Variants in TTPAL observed in about 807,000 individuals in gnomAD.
The protein encoded by TTPAL is alpha-tocopherol transfer protein-like.
In TTPAL, 21 loss-of-function variants were observed where a neutral mutation model predicts 28.7. The observed-to-expected ratio is 0.73, with a 90% confidence interval of 0.52 to 1.06. The LOEUF (loss-of-function observed/expected upper bound fraction) is 1.06. Ranked by LOEUF, TTPAL falls within the 50% of genes least tolerant of loss-of-function variation. The pLI is 0.00. For synonymous variants in TTPAL, 169 were observed against 171.9 expected, an observed-to-expected ratio of 0.98 and a Z score of 0.13; for missense variants, 345 against 425.5, an observed-to-expected ratio of 0.81 and a Z score of 1.67.
rs200322382 is a variant in TTPAL at position 44,480,173 on chromosome 20, G to A, written c.174G>A (p.Val58=). The change falls in exon 2 of 5, where the codon GTG becomes GTA. Residue 58 remains valine (V), a synonymous_variant. Transcript: ENST00000262605. This position sits in a 1 kb window ranked among gnomAD's most constrained non-coding sequence, Gnocchi z 4.1. ...QEKPEWRLRD[V]QALRDMVRKE... ...AGCCGGAATGGAGACTTCGAGATGT[G>A]CAGGCCCTTCGTGACATGGTGCGGA... is the stretch of plus-strand genomic sequence containing the variant. 3.7e-6 allele frequency: 6 copies of A among 1,614,138 alleles called. No homozygotes were observed. Among genetic ancestry groups the A allele is most frequent in the Admixed American group, 3.3e-5 (2 of 60,016 alleles).
In TTPAL at chr20:44,489,385, G is replaced by A; in HGVS notation, c.873G>A (p.Leu291=). ...LDTATWNAVL[L]ASEDDFVKEF... ...CTGCCACCTGGAACGCGGTACTGCT[G>A]GCTTCAGAAGACGATTTTGTGAAAG... The change falls in exon 5 of 5, where the codon CTG becomes CTA. Residue 291 remains leucine (L), a synonymous_variant. Coordinates refer to ENST00000262605, the MANE Select transcript of TTPAL (RefSeq NM_001039199.3). 3.7e-6 allele frequency: 6 copies of A among 1,614,180 alleles called. No individual in the cohort carries two copies. The highest frequency in any genetic ancestry group is 4.2e-6 in the Non-Finnish European group (5 of 1,180,032).
At chr20:44,486,938 C>T (rs534877825) in intron 4 of TTPAL, among the ~76,000 whole-genome samples, 2 of 152,212 alleles carry the variant, frequency 1.3e-5, no homozygotes, top group African/African-American at 2.4e-5. Flanking sequence ...ATCATAAGAG[C>T]CTCCCTGGGC....
rs555946314 is a variant in TTPAL at position 44,475,909 on chromosome 20, A to T, written c.-98A>T. On this transcript the variant is annotated 5_prime_UTR_variant, in exon 1 of 5. Transcript: ENST00000262605. ...GCGCGAGAGGCCGGGCAGGCCGGGC[A>T]GGGAGTGCGGGTCGGTTCTGCGTGC... 1 of 152,234 alleles carries T rather than the reference A, an allele frequency of 6.6e-6. No individual in the cohort carries two copies. The highest frequency in any genetic ancestry group is 6.5e-5 in the Admixed American group (1 of 15,294). The allele number at this position is 152,234 out of a possible 1,614,324, so 9.4% of individuals were successfully genotyped here.
In TTPAL at chr20:44,480,140, G is replaced by A; in HGVS notation, c.141G>A (p.Leu47=). 1 of 1,614,202 alleles carries A rather than the reference G, an allele frequency of 6.2e-7. No homozygotes were observed. Among genetic ancestry groups the A allele is most frequent in the Non-Finnish European group, 8.5e-7 (1 of 1,180,044 alleles). ...EDLVTKAREE[L]QEKPEWRLRD... ...TGGTCACCAAAGCCCGGGAAGAGCT[G>A]CAGGAAAAGCCGGAATGGAGACTTC... The change falls in exon 2 of 5, where the codon CTG becomes CTA. Residue 47 remains leucine (L), a synonymous_variant. Coordinates refer to ENST00000262605, the MANE Select transcript of TTPAL (RefSeq NM_001039199.3). The surrounding 1 kb of genome is among the most constrained non-coding windows in gnomAD (Gnocchi z 4.1).
At chr20:44,482,538 A>T (rs2064115733) in intron 2 of TTPAL, among the ~76,000 whole-genome samples, 2 of 146,780 alleles carry the variant, frequency 1.4e-5, no homozygotes, top group Admixed American at 1.4e-4. Flanking sequence ...ACGCCACTGC[A>T]CTCCAGCCTG....
chr20:44,480,163 T>A lies in TTPAL; in HGVS notation c.164T>A (p.Leu55His), dbSNP rs1466900533. Reference sequence around the variant, plus strand: ...CTGCAGGAAAAGCCGGAATGGAGACTTCGAGATGTGCAGGCCCTTCGTGAC... The same window carrying A: ...CTGCAGGAAAAGCCGGAATGGAGACATCGAGATGTGCAGGCCCTTCGTGAC... ...EELQEKPEWR[L>H]RDVQALRDMV... The change falls in exon 2 of 5, where the codon CTT (leucine) becomes CAT (histidine). Residue 55 changes from leucine to histidine, a missense_variant. Physicochemically the swap from Leu to His is moderately conservative, Grantham distance 99. Coordinates refer to ENST00000262605, the MANE Select transcript of TTPAL (RefSeq NM_001039199.3). This position sits in a 1 kb window ranked among gnomAD's most constrained non-coding sequence, Gnocchi z 4.1. 1.9e-6 allele frequency: 3 copies of A among 1,614,146 alleles called. No individual in the cohort carries two copies. The South Asian group carries it at 3.3e-5, about 18-fold the overall frequency.
Position 44,492,841 on chromosome 20 carries a change from G to A in TTPAL, c.*3300G>A, listed in dbSNP as rs2064220125. 1 of 152,226 alleles carries A rather than the reference G, an allele frequency of 6.6e-6. No individual in the cohort carries two copies. The highest frequency in any genetic ancestry group is 6.6e-5 in the Admixed American group (1 of 15,264). 9.4% of individuals were successfully genotyped at this position (152,226 alleles called of 1,614,324 possible). A position where few individuals can be genotyped will look rare whatever the true frequency, so the allele number is the denominator to read the frequency against. On this transcript the variant is annotated 3_prime_UTR_variant, in exon 5 of 5. Coordinates refer to ENST00000262605, the MANE Select transcript of TTPAL (RefSeq NM_001039199.3). ...TGTCTTGAATTTCTAACTTGCTCTTGGCAAAGGTCGCTTTATTTTTTAATT... is the reference window on the plus strand; with the variant it reads ...TGTCTTGAATTTCTAACTTGCTCTTAGCAAAGGTCGCTTTATTTTTTAATT...
intron 3 of TTPAL, 149 bp downstream of exon 3, chr20:44,484,679 A>G (rs2064136413): frequency 1.8e-6 from 1 of 566,890 alleles, no homozygotes; most frequent in Admixed American, 3.2e-5. Context: ...AAGAAATTTA[A>G]AAGTCCTATT....
In TTPAL at chr20:44,492,011, G is replaced by A. The variant is rs2064210722; in HGVS notation, c.*2470G>A. On this transcript the variant is annotated 3_prime_UTR_variant, in exon 5 of 5. Coordinates refer to ENST00000262605, the MANE Select transcript of TTPAL (RefSeq NM_001039199.3). ...TTTTCCAGTTGGACAAGGAAGGAGTGGTTTCACTCAGCTTCTAGAAGGAGT... is the reference window on the plus strand; with the variant it reads ...TTTTCCAGTTGGACAAGGAAGGAGTAGTTTCACTCAGCTTCTAGAAGGAGT... The A allele has an allele frequency of 6.6e-6, 1 of 152,354 alleles. No homozygotes were observed. The highest frequency in any genetic ancestry group is 1.5e-5 in the Non-Finnish European group (1 of 68,056). 9.4% of individuals were successfully genotyped at this position (152,354 alleles called of 1,614,324 possible). A position where few individuals can be genotyped will look rare whatever the true frequency, so the allele number is the denominator to read the frequency against.
intron 1 of TTPAL, 160 bp from the exon 2 acceptor site, chr20:44,479,824 AC>A: frequency 3.1e-6 from 2 of 652,214 alleles, no homozygotes; most frequent in Non-Finnish European, 5.2e-6. Flanking sequence ...CTGGGGTCAG[AC>A]TTGCGTGTAT....
Position 44,480,146 on chromosome 20 carries a change from A to G in TTPAL, c.147A>G (p.Glu49=). The G allele has an allele frequency of 1.2e-6, 2 of 1,614,182 alleles. No individual in the cohort carries two copies. The highest frequency in any genetic ancestry group is 1.7e-6 in the Non-Finnish European group (2 of 1,180,024). Residue 49 remains glutamate (E), a synonymous_variant, in exon 2 of 5, where the codon GAA becomes GAG. Transcript: ENST00000262605. This position sits in a 1 kb window ranked among gnomAD's most constrained non-coding sequence, Gnocchi z 4.1. ...CCAAAGCCCGGGAAGAGCTGCAGGAAAAGCCGGAATGGAGACTTCGAGATG... is the reference window on the plus strand; with the variant it reads ...CCAAAGCCCGGGAAGAGCTGCAGGAGAAGCCGGAATGGAGACTTCGAGATG... The part of the protein sequence containing the change: ...LVTKAREELQ[E]KPEWRLRDVQ...
At chr20:44,483,515 C>A (rs2064125226) in intron 2 of TTPAL, among the ~76,000 whole-genome samples, 1 of 152,162 alleles carries the variant, frequency 6.6e-6, no homozygotes, top group Non-Finnish European at 1.5e-5. Flanking sequence ...GCCAATCAAT[C>A]CCCAGTCACT....
At chr20:44,488,589 A>T (rs938992483) in intron 4 of TTPAL, among the ~76,000 whole-genome samples, 9 of 152,178 alleles carry the variant, frequency 5.9e-5, no homozygotes, top group Non-Finnish European at 1.3e-4. Context: ...AGCGTGTGTG[A>T]GGTGGGAAGG....
At chr20:44,488,057 C>G (rs1243605701) in intron 4 of TTPAL, among the ~76,000 whole-genome samples, 1 of 152,224 alleles carries the variant, frequency 6.6e-6, no homozygotes, top group East Asian at 1.9e-4. Flanking sequence ...GCGTGAGCCA[C>G]CGCACTGGGC....
chr20:44,487,317 C>T (rs1276995891), intron 4 of TTPAL, among the ~76,000 whole-genome samples: 1 of 151,756 alleles, frequency 6.6e-6, no homozygotes, highest in African/African-American at 2.4e-5. Context: ...TGGCACATGT[C>T]TGTAGTCTCC....
At position 44,484,502 on chromosome 20, in the gene TTPAL, T is replaced by C; in HGVS notation, c.611T>C (p.Ile204Thr). 1.9e-6 allele frequency: 3 copies of C among 1,583,536 alleles called. No homozygotes were observed. Among genetic ancestry groups the C allele is most frequent in the East Asian group, 2.3e-5 (1 of 44,220 alleles). ...AAAGCATCTCACTTTGGCCCTTTTA[T>C]AGCCAAAAAGGTGATTGGCATCCTC... ...LSKASHFGPFIAKKVIGILQD... is the reference protein window; with the variant it reads ...LSKASHFGPFTAKKVIGILQD... Residue 204 changes from isoleucine (I) to threonine (T), a missense_variant, in exon 3 of 5, where the codon ATA becomes ACA. Ile to Thr is a moderately conservative substitution (Grantham distance 89). Coordinates refer to ENST00000262605, the MANE Select transcript of TTPAL (RefSeq NM_001039199.3).
At chr20:44,485,401 C>G (rs1236063015) in intron 3 of TTPAL, among the ~76,000 whole-genome samples, 1 of 152,104 alleles carries the variant, frequency 6.6e-6, no homozygotes, top group African/African-American at 2.4e-5. Flanking sequence ...ACTATTTTTC[C>G]TTTTTGATAG....
At chr20:44,486,437 G>A in intron 3 of TTPAL, 159 bp from the exon 4 acceptor site, 1 of 528,228 alleles carries the variant, frequency 1.9e-6, no homozygotes. Context: ...TTTCCCTGAG[G>A]TCCGTCTTCC....
In TTPAL at chr20:44,487,241, C is replaced by T. The variant is rs372146229; in HGVS notation, c.750+535C>T. Among the ~76,000 whole-genome samples the T allele has an allele frequency of 5.8e-4, 87 of 151,156 alleles. 1 individual carries two copies. The highest frequency in any genetic ancestry group is 4.6e-3 in the South Asian group (22 of 4,780). ...AGGTTGCAGTGAGCCAAGATCATGC[C>T]GCTGCACTCCAGCTTGGGCAACAGT... is the stretch of plus-strand genomic sequence containing the variant. On this transcript the variant is annotated intron_variant, in intron 4 of 4. Coordinates refer to ENST00000262605, the MANE Select transcript of TTPAL (RefSeq NM_001039199.3).
Sources: allele counts gnomAD v4.1 joint callset (sites outside exome capture counted in the v4.1 genomes callset), GRCh38; gene constraint gnomAD v4.1.1; non-coding constraint Gnocchi (gnomAD v3.1); transcripts MANE v1.5; gene names NCBI Gene and HGNC (gene_info 2026-07-23, HGNC 2026-07-21).